LRRIQ1: variants seen among roughly 807,000 people sequenced by gnomAD.
LRRIQ1 encodes leucine rich repeats and IQ motif containing 1, also known as leucine-rich repeat- and IQ domain-containing protein 1.
Under a neutral mutation model 211.9 loss-of-function variants are expected in LRRIQ1, and 210 were observed. The ratio of observed to expected loss-of-function variants is 0.99; its 90% CI spans 0.89 to 1.11. The LOEUF (loss-of-function observed/expected upper bound fraction) is 1.11. Among genes scored for constraint, LRRIQ1 ranks in the 50% most tolerant of loss-of-function variants. The pLI, the probability that LRRIQ1 is intolerant of heterozygous loss-of-function variation, is 0.00. For synonymous variants in LRRIQ1, 699 were observed against 650.1 expected, an observed-to-expected ratio of 1.08 and a Z score of -1.14; for missense variants, 2,136 against 1,939.5, an observed-to-expected ratio of 1.10 and a Z score of -1.90.
chr12:85,099,216 A>C (rs1230046930), intron 13 of LRRIQ1, among the ~76,000 whole-genome samples: 2 of 151,866 alleles, frequency 1.3e-5, no homozygotes, highest in Non-Finnish European at 2.9e-5. Flanking sequence ...TTGTCCATTT[A>C]TCTTTCTAAT....
downstream of LRRIQ1, among the ~76,000 whole-genome samples, chr12:85,246,203 T>C (rs1474510200): frequency 6.6e-6 from 1 of 151,276 alleles, no homozygotes; most frequent in Non-Finnish European, 1.5e-5. Context: ...AATCTGGTCA[T>C]TGAAATGTTG....
the LRRIQ1 span, among the ~76,000 whole-genome samples, chr12:85,270,246 T>A: frequency 6.6e-6 from 1 of 152,138 alleles, no homozygotes; most frequent in African/African-American, 2.4e-5. Context: ...ACAATTGGAA[T>A]ATTTTAACAG....
intron 11 of LRRIQ1, among the ~76,000 whole-genome samples, chr12:85,082,186 G>A (rs900482888): frequency 5.3e-5 from 8 of 152,074 alleles, no homozygotes; most frequent in African/African-American, 1.2e-4. Context: ...TTTCTAGGTC[G>A]AAGTTTATTT....
At chr12:85,050,166 C>T (rs530571291) in intron 6 of LRRIQ1, among the ~76,000 whole-genome samples, 1 of 152,160 alleles carries the variant, frequency 6.6e-6, no homozygotes, top group Non-Finnish European at 1.5e-5. Context: ...ATGATCCAAA[C>T]ACCTCCCACC....
chr12:85,121,989 G>A, intron 16 of LRRIQ1, 113 bp downstream of exon 16: 1 of 828,964 alleles, frequency 1.2e-6, no homozygotes, highest in Non-Finnish European at 1.7e-6. Context: ...AGAACAGTGT[G>A]TTTTGGGGAT....
At position 85,126,696 on chromosome 12, in the gene LRRIQ1, C is replaced by G. The variant is rs200912458; in HGVS notation, c.4008-1136C>G. ...TATTCGTAGTAAAACAGATTGGAGC[C>G]TTCTACTGGCCTTACATAAAATGGG... On this transcript the variant is annotated intron_variant, in intron 17 of 26. Coordinates refer to ENST00000393217, the MANE Select transcript of LRRIQ1 (RefSeq NM_001079910.2). 3.7e-4 allele frequency among the ~76,000 whole-genome samples: 56 copies of G among 152,088 alleles called. 2 individuals carry two copies. In the East Asian group the frequency reaches 9.3e-3, roughly 25 times the overall value.
intron 24 of LRRIQ1, among the ~76,000 whole-genome samples, chr12:85,176,604 A>T (rs1475457931): frequency 1.4e-5 from 1 of 71,550 alleles, no homozygotes; most frequent in Non-Finnish European, 2.5e-5. Context: ...GGGTGGGGGG[A>T]GGGGGGAGGG....
chr12:85,140,241 T>C (rs1389281688), intron 19 of LRRIQ1, among the ~76,000 whole-genome samples: 1 of 151,292 alleles, frequency 6.6e-6, no homozygotes, highest in Non-Finnish European at 1.5e-5. Flanking sequence ...AAATACTATT[T>C]CATAATGACT....
chr12:85,217,664 ATATATGTG>A (rs1565910117), intron 24 of LRRIQ1, among the ~76,000 whole-genome samples: 2 of 128,588 alleles, frequency 1.6e-5, no homozygotes, highest in Non-Finnish European at 3.0e-5. Context: ...GTATATATGT[ATATATGTG>A]TATATATGTA....
chr12:85,202,461 T>C (rs2137025359), intron 24 of LRRIQ1, among the ~76,000 whole-genome samples: 1 of 152,308 alleles, frequency 6.6e-6, no homozygotes, highest in South Asian at 2.1e-4. Flanking sequence ...GAATATGGGT[T>C]ATCCTATGTA....
intron 8 of LRRIQ1, among the ~76,000 whole-genome samples, chr12:85,061,319 A>G (rs1252098169): frequency 6.6e-6 from 1 of 151,778 alleles, no homozygotes; most frequent in South Asian, 2.1e-4. Flanking sequence ...TAATACAAAA[A>G]TTTATTTTGA....
chr12:85,192,432 TTA>T (rs1417617575), intron 24 of LRRIQ1, among the ~76,000 whole-genome samples: 1 of 131,528 alleles, frequency 7.6e-6, no homozygotes, highest in Non-Finnish European at 1.6e-5. Context: ...TTATATATAT[TTA>T]TATATAAATG....
chr12:85,229,149 A>C (rs1049855633), intron 24 of LRRIQ1, among the ~76,000 whole-genome samples: 4 of 152,192 alleles, frequency 2.6e-5, no homozygotes, highest in Non-Finnish European at 5.9e-5. Context: ...TGGTATAAAA[A>C]CAATTAGACT....
At position 85,046,975 on chromosome 12, in the gene LRRIQ1, G is replaced by A. The variant is rs569018590; in HGVS notation, c.455-272G>A. On this transcript the variant is annotated intron_variant, in intron 5 of 26. Coordinates refer to ENST00000393217, the MANE Select transcript of LRRIQ1 (RefSeq NM_001079910.2). The stretch of plus-strand genomic sequence containing the variant: ...AATGAGAACACTTGGACACAGGAAG[G>A]GGAACATCACACACCAGGGCCTCTC... Among the ~76,000 whole-genome samples, 429 of 149,164 alleles carry A rather than the reference G, an allele frequency of 2.9e-3. 4 individuals are homozygous for A. The highest frequency in any genetic ancestry group is 0.01 in the African/African-American group (411 of 40,478).
At chr12:85,235,082 T>C (rs993666621) in intron 26 of LRRIQ1, among the ~76,000 whole-genome samples, 3 of 152,164 alleles carry the variant, frequency 2.0e-5, no homozygotes, top group Non-Finnish European at 4.4e-5. Context: ...TAAGGCATAA[T>C]CAAACATTTA....
At chr12:85,250,924 A>ATTATATATAATATATAATATATT (rs1565928930) in intron 1 of LRRIQ1, among the ~76,000 whole-genome samples, 7 of 79,688 alleles carry the variant, frequency 8.8e-5, no homozygotes, top group Non-Finnish European at 1.2e-4. Context: ...TATTTTATAT[A>ATTATATATAATATATAATATATT]TTATATATTA....
chr12:85,046,958 C>T, intron 5 of LRRIQ1, among the ~76,000 whole-genome samples: 1 of 144,998 alleles, frequency 6.9e-6, no homozygotes, highest in East Asian at 2.1e-4. Flanking sequence ...ACAATGAGAA[C>T]ACTTGGACAC....
At chr12:85,260,804 A>G (rs1433356681) in intron 1 of LRRIQ1, among the ~76,000 whole-genome samples, 1 of 152,174 alleles carries the variant, frequency 6.6e-6, no homozygotes, top group African/African-American at 2.4e-5. Flanking sequence ...TCTGGGAAAA[A>G]ATATCAAGCT....
intron 18 of LRRIQ1, among the ~76,000 whole-genome samples, chr12:85,136,649 G>A (rs1889153589): frequency 6.6e-6 from 1 of 151,420 alleles, no homozygotes; most frequent in Non-Finnish European, 1.5e-5. Context: ...TATTGTCATA[G>A]AGGGTTTCAC....
Sources: gnomAD v4.1 joint callset for allele counts (sites outside exome capture counted in the v4.1 genomes callset) on GRCh38, gnomAD v4.1.1 for gene constraint, MANE v1.5 for transcripts, NCBI Gene and HGNC (gene_info 2026-07-23, HGNC 2026-07-21) for gene names.